Variants in CCDC178 observed in about 807,000 individuals in gnomAD.
CCDC178 encodes coiled-coil domain-containing protein 178.
Under a neutral mutation model 117.4 loss-of-function variants are expected in CCDC178, and 126 were observed. The ratio of observed to expected loss-of-function variants is 1.07; its 90% confidence interval spans 0.93 to 1.24. The LOEUF is 1.24. Among genes scored for constraint, CCDC178 ranks in the 50% most tolerant of loss-of-function variants. The pLI is 0.00. For synonymous variants in CCDC178, 283 were observed against 313.4 expected (o/e 0.90, Z 1.02); for missense variants, 1,030 against 986.9 (o/e 1.04, Z -0.59).
At chr18:33,229,564 C>A (rs908557233) in intron 15 of CCDC178, among the ~76,000 whole-genome samples, 1 of 152,124 alleles carries the variant, frequency 6.6e-6, no homozygotes, top group African/African-American at 2.4e-5. Flanking sequence ...AGAGAGATTA[C>A]ATAAATTGAC....
intron 15 of CCDC178, among the ~76,000 whole-genome samples, chr18:33,231,572 T>C (rs1568074526): frequency 6.6e-6 from 1 of 152,212 alleles, no homozygotes; most frequent in South Asian, 2.1e-4. Flanking sequence ...CAGTTTCCTT[T>C]TGCAGTTTTA....
rs1403466032 is a variant in CCDC178 at position 33,092,793 on chromosome 18, A to G, written c.2356T>C (p.Ser786Pro). The change falls in exon 21 of 23, where the codon TCA (serine) becomes CCA (proline). Residue 786 changes from serine (S) to proline (P), a missense_variant. Physicochemically the swap from Ser to Pro is moderately conservative, Grantham distance 74. Coordinates refer to ENST00000383096, the MANE Select transcript of CCDC178 (RefSeq NM_001105528.4). The part of the protein sequence containing the change: ...NYFNIYDKQL[S>P]LDTSIRDKKQ... Reference sequence around the variant, plus strand: ...TTATCTCTAATTGAAGTATCAAGTGATAGCTGTTTATCATATATATTGAAA... The same window carrying G: ...TTATCTCTAATTGAAGTATCAAGTGGTAGCTGTTTATCATATATATTGAAA... 1 of 1,537,644 alleles carries G rather than the reference A, an allele frequency of 6.5e-7. No individual in the cohort carries two copies. The highest frequency in any genetic ancestry group is 1.4e-5 in the African/African-American group (1 of 72,038).
intron 21 of CCDC178, among the ~76,000 whole-genome samples, chr18:33,063,022 T>C (rs2056951604): frequency 6.6e-6 from 1 of 152,172 alleles, no homozygotes; most frequent in Non-Finnish European, 1.5e-5. Flanking sequence ...CCTGGGCCAC[T>C]GACACTGACA....
chr18:33,107,466 A>G (rs1354791083), intron 20 of CCDC178, among the ~76,000 whole-genome samples: 1 of 151,628 alleles, frequency 6.6e-6, no homozygotes, highest in Non-Finnish European at 1.5e-5. Flanking sequence ...ATCTCAAAAG[A>G]TAAAAATTTC....
intron 20 of CCDC178, among the ~76,000 whole-genome samples, chr18:33,211,272 G>T (rs1371738253): frequency 6.6e-6 from 1 of 151,626 alleles, no homozygotes; most frequent in Non-Finnish European, 1.5e-5. Context: ...TTTAAATATG[G>T]TACTAATTCA....
chr18:33,194,989 T>C (rs544462428), intron 20 of CCDC178, among the ~76,000 whole-genome samples: 6 of 138,114 alleles, frequency 4.3e-5, no homozygotes, highest in African/African-American at 1.7e-4. Flanking sequence ...TGCAGTGGTA[T>C]GCACCTGTAA....
chr18:33,016,037 A>AT (rs1167193999), intron 21 of CCDC178, among the ~76,000 whole-genome samples: 1 of 152,144 alleles, frequency 6.6e-6, no homozygotes, highest in Non-Finnish European at 1.5e-5. Context: ...AAAAACATTA[A>AT]TCTACACATT....
At position 33,353,109 on chromosome 18, in the gene CCDC178, T is replaced by C. The variant is rs74651941; in HGVS notation, c.371+3215A>G. Among the ~76,000 whole-genome samples, 799 of 152,242 alleles carry C rather than the reference T, an allele frequency of 5.2e-3. 6 individuals are homozygous for C. Among genetic ancestry groups the C allele is most frequent in the Non-Finnish European group, 8.3e-3 (562 of 67,938 alleles). On this transcript the variant is annotated intron_variant, in intron 7 of 22. Transcript: ENST00000383096. ...TATATTGTTAGGTGTGTTATATTTATAGTTTATATATCTTCTTGGTGGAAT... is the reference window on the plus strand; with the variant it reads ...TATATTGTTAGGTGTGTTATATTTACAGTTTATATATCTTCTTGGTGGAAT...
chr18:33,076,982 C>T (rs1299836771), intron 21 of CCDC178, among the ~76,000 whole-genome samples: 2 of 152,138 alleles, frequency 1.3e-5, no homozygotes, highest in Non-Finnish European at 2.9e-5. Flanking sequence ...AGGTACTTAT[C>T]TGCCTGAACT....
chr18:33,132,735 C>A (rs907514439), intron 20 of CCDC178, among the ~76,000 whole-genome samples: 4 of 151,524 alleles, frequency 2.6e-5, no homozygotes, highest in African/African-American at 7.3e-5. Context: ...TAATAATATA[C>A]CATTAACAGA....
At chr18:33,419,678 C>A (rs2063997460) in intron 2 of CCDC178, among the ~76,000 whole-genome samples, 2 of 152,084 alleles carry the variant, frequency 1.3e-5, no homozygotes, top group South Asian at 2.1e-4. Flanking sequence ...ACAGGTATAT[C>A]AAAAAATGCT....
At chr18:33,328,465 T>G (rs1435920852) in intron 10 of CCDC178, among the ~76,000 whole-genome samples, 2 of 152,118 alleles carry the variant, frequency 1.3e-5, no homozygotes, top group African/African-American at 4.8e-5. Context: ...TTGATTCATT[T>G]TGAGTTAATG....
chr18:33,264,346 C>G (rs917214290), intron 14 of CCDC178, among the ~76,000 whole-genome samples: 2 of 151,822 alleles, frequency 1.3e-5, no homozygotes, highest in Non-Finnish European at 2.9e-5. Context: ...TCTCTTTGTC[C>G]TGAGTTTTAA....
chr18:33,042,270 A>C (rs1480574979), intron 21 of CCDC178, among the ~76,000 whole-genome samples: 2 of 151,952 alleles, frequency 1.3e-5, no homozygotes, highest in East Asian at 3.9e-4. Context: ...ACAAGCCCTT[A>C]ATGAGATGCA....
At chr18:33,389,651 T>C (rs2063540912) in intron 4 of CCDC178, 22 bp from the exon 5 acceptor site, 4 of 1,254,124 alleles carry the variant, frequency 3.2e-6, no homozygotes, top group Non-Finnish European at 3.3e-6. Context: ...AAAAAATACA[T>C]ATTTTAGTGA....
At chr18:33,380,834 A>G (rs779993230) in intron 5 of CCDC178, among the ~76,000 whole-genome samples, 19 of 152,232 alleles carry the variant, frequency 1.2e-4, no homozygotes, top group Admixed American at 4.6e-4. Context: ...GCCATCTTGA[A>G]GAAAAAGCAA....
At chr18:33,207,610 C>A (rs940108776) in intron 20 of CCDC178, among the ~76,000 whole-genome samples, 4 of 150,940 alleles carry the variant, frequency 2.7e-5, no homozygotes, top group African/African-American at 7.3e-5. Flanking sequence ...AAGAAAAATA[C>A]TAATTTTTAG....
chr18:33,151,251 CAATAAATA>C (rs534344013), intron 20 of CCDC178, among the ~76,000 whole-genome samples: 1 of 151,742 alleles, frequency 6.6e-6, no homozygotes, highest in Non-Finnish European at 1.5e-5. Context: ...ACATAAATAG[CAATAAATA>C]AATAAATAAA....
intron 2 of CCDC178, among the ~76,000 whole-genome samples, chr18:33,427,717 C>T (rs990244195): frequency 1.3e-5 from 2 of 152,114 alleles, no homozygotes; most frequent in African/African-American, 4.8e-5. Context: ...TCAGCTTCTA[C>T]CCATATATCC....
Sources: gnomAD v4.1 joint callset for allele counts (sites outside exome capture counted in the v4.1 genomes callset) on GRCh38, gnomAD v4.1.1 for gene constraint, MANE v1.5 for transcripts, NCBI Gene and HGNC (gene_info 2026-07-23, HGNC 2026-07-21) for gene names.